COMMD3: variants seen among roughly 807,000 people sequenced by gnomAD.
The protein encoded by COMMD3 is COMM domain-containing protein 3.
COMMD3 carries 31 observed loss-of-function variants against 31.2 expected under a neutral mutation model. That is an observed-to-expected ratio of 0.99 (90% CI 0.75 to 1.34). COMMD3 has a LOEUF of 1.34. COMMD3 is among the 40% of genes most tolerant of loss of function. COMMD3 has a pLI of 0.00. For synonymous variants in COMMD3, 108 were observed against 87.3 expected, an observed-to-expected ratio of 1.24 and a Z score of -1.32; for missense variants, 274 against 236.9, an observed-to-expected ratio of 1.16 and a Z score of -1.03.
chr10:22,319,825 T>G (rs1835927180), intron 7 of COMMD3, 114 bp from the exon 8 acceptor site: 6 of 1,330,182 alleles, frequency 4.5e-6, no homozygotes, highest in African/African-American at 4.4e-5. Context: ...CTTGTTGAAT[T>G]TTAAACTTGT....
At chr10:22,316,712 C>T in intron 1 of COMMD3, 156 bp downstream of exon 1, 1 of 1,287,226 alleles carries the variant, frequency 7.8e-7, no homozygotes, top group Non-Finnish European at 1.0e-6. Context: ...CGTGGCTCTG[C>T]CAGGACTCGG....
chr10:22,319,731 T>C, intron 7 of COMMD3: 1 of 563,164 alleles, frequency 1.8e-6, no homozygotes, highest in East Asian at 3.1e-5. Flanking sequence ...TGTTTCAGTG[T>C]GAGGGCAAAT....
At position 22,320,259 on chromosome 10, in the gene COMMD3, A is replaced by T. The variant is rs1019392506; in HGVS notation, c.*261A>T. On this transcript the variant is annotated 3_prime_UTR_variant, in exon 8 of 8. Transcript: ENST00000376836. Reference sequence around the variant, plus strand: ...ATCTTTTTCAAGTCTTCTGAAAGGAAGTAGACAGTATTACACCCTGAATAA... The same window carrying T: ...ATCTTTTTCAAGTCTTCTGAAAGGATGTAGACAGTATTACACCCTGAATAA... 2.0e-5 allele frequency: 17 copies of T among 871,106 alleles called. No individual in the cohort carries two copies. The highest frequency in any genetic ancestry group is 2.5e-5 in the Non-Finnish European group (15 of 608,230). The allele number at this position is 871,106 out of a possible 1,614,324, so 54.0% of individuals were successfully genotyped here. A position where few individuals can be genotyped will look rare whatever the true frequency, so the allele number is the denominator to read the frequency against.
chr10:22,318,266 C>T lies in COMMD3; in HGVS notation c.316-6C>T, dbSNP rs1835893529. 3 of 1,601,802 alleles carry T rather than the reference C, an allele frequency of 1.9e-6. No homozygotes were observed. Among genetic ancestry groups the T allele is most frequent in the Non-Finnish European group, 2.5e-6 (3 of 1,177,052 alleles). Reference sequence around the variant, plus strand: ...CTTTCTTTCTTGCTTTCTTTTTTCTCTCCAGAATAATAAGAATTCCCTAGA... The same window carrying T: ...CTTTCTTTCTTGCTTTCTTTTTTCTTTCCAGAATAATAAGAATTCCCTAGA... On this transcript the variant is annotated splice_polypyrimidine_tract_variant and splice_region_variant and intron_variant, in intron 3 of 7. Coordinates refer to ENST00000376836, the MANE Select transcript of COMMD3 (RefSeq NM_012071.4).
Position 22,320,156 on chromosome 10 carries a change from T to C in COMMD3, c.*158T>C. 1 of 1,532,628 alleles carries C rather than the reference T, an allele frequency of 6.5e-7. No homozygotes were observed. The highest frequency in any genetic ancestry group is 2.0e-5 in the Admixed American group (1 of 49,120). 94.9% of individuals were successfully genotyped at this position (1,532,628 alleles called of 1,614,324 possible). A position where few individuals can be genotyped will look rare whatever the true frequency, so the allele number is the denominator to read the frequency against. ...CATCAATTTTGACACTTTAAAAACG[T>C]GTGAAAGGGTTAAGAGGGAAAGATA... is the stretch of plus-strand genomic sequence containing the variant. On this transcript the variant is annotated 3_prime_UTR_variant, in exon 8 of 8. Transcript: ENST00000376836.
intron 3 of COMMD3, 41 bp from the exon 4 acceptor site, chr10:22,318,231 G>GTT: frequency 1.3e-6 from 2 of 1,573,816 alleles, no homozygotes; most frequent in East Asian, 2.3e-5. Flanking sequence ...TTGTAAAGAT[G>GTT]TTTTTTTTTC....
In COMMD3 at chr10:22,316,462, G is replaced by A. The variant is rs1443329464; in HGVS notation, c.45G>A (p.Ala15=). ...TGCAGAAAGGCTTCCAGATGCTGGC[G>A]GATCCCCGCTCCTTCGACTCCAACG... is the stretch of plus-strand genomic sequence containing the variant. ...ESVQKGFQML[A]DPRSFDSNAF... The change falls in exon 1 of 8, where the codon GCG becomes GCA. Residue 15 remains alanine, a synonymous_variant. Transcript: ENST00000376836. 1 of 1,550,662 alleles carries A rather than the reference G, an allele frequency of 6.4e-7. No homozygotes were observed. Among genetic ancestry groups the A allele is most frequent in the African/African-American group, 1.4e-5 (1 of 73,142 alleles).
In COMMD3 at chr10:22,318,997, T is replaced by C; in HGVS notation, c.507T>C (p.Ser169=). The part of the protein sequence containing the change: ...DSPSYPEISF[S]CSMEQLQDLV... ...CATCCTATCCAGAGATTAGTTTTAG[T>C]TGCAGCATGGAACAATTACAGGTAC... The change falls in exon 7 of 8, where the codon AGT becomes AGC. Residue 169 remains serine (S), a synonymous_variant. Coordinates refer to ENST00000376836, the MANE Select transcript of COMMD3 (RefSeq NM_012071.4). 6.2e-7 allele frequency: 1 copy of C among 1,611,836 alleles called. No individual in the cohort carries two copies. Among genetic ancestry groups the C allele is most frequent in the Non-Finnish European group, 8.5e-7 (1 of 1,179,320 alleles).
chr10:22,316,646 C>G lies in COMMD3; in HGVS notation c.139+90C>G, dbSNP rs577722875. The G allele has an allele frequency of 1.4e-3, 1,965 of 1,380,900 alleles. 1 individual carries two copies. The highest frequency in any genetic ancestry group is 1.7e-3 in the Non-Finnish European group (1,827 of 1,058,868). 85.5% of individuals were successfully genotyped at this position (1,380,900 alleles called of 1,614,324 possible). A position where few individuals can be genotyped will look rare whatever the true frequency, so the allele number is the denominator to read the frequency against. The stretch of plus-strand genomic sequence containing the variant: ...GCCGGCGGAGCGAGAAGGGGAAAGC[C>G]CCGGGAAGAGGAAGTCTCCGGGCTT... On this transcript the variant is annotated intron_variant, in intron 1 of 7. Coordinates refer to ENST00000376836, the MANE Select transcript of COMMD3 (RefSeq NM_012071.4).
Position 22,317,973 on chromosome 10 carries a change from C to T in COMMD3, c.229C>T (p.Arg77Ter). ...ATYILEAGKHRADKSTLSTYL... is the reference protein window; with the variant it reads ...ATYILEAGKH ...TTACATACTAGAGGCAGGAAAGCAC[C>T]GAGCTGACAAGTCAACTCTAAGGTA... The change falls in exon 2 of 8, where the codon CGA becomes TGA. Residue 77 changes from arginine (R) to a stop codon, truncating the protein, a stop_gained. Coordinates refer to ENST00000376836, the MANE Select transcript of COMMD3 (RefSeq NM_012071.4). LOFTEE classifies it high-confidence loss of function. The T allele has an allele frequency of 1.2e-6, 2 of 1,613,896 alleles. No homozygotes were observed. Among genetic ancestry groups the T allele is most frequent in the Non-Finnish European group, 1.7e-6 (2 of 1,179,904 alleles).
In COMMD3 at chr10:22,318,176, A is replaced by T. The variant is rs368106448; in HGVS notation, c.315+8A>T. On this transcript the variant is annotated splice_region_variant and intron_variant, in intron 3 of 7. Transcript: ENST00000376836. ...TTTTGCACGGAATATCAGGTTACTT[A>T]CTTTAAAATTTTTAATTAACAGTAC... 1.1e-5 allele frequency: 17 copies of T among 1,605,772 alleles called. No individual in the cohort carries two copies. The highest frequency in any genetic ancestry group is 1.7e-4 in the Middle Eastern group (1 of 5,996).
chr10:22,316,709 C>T (rs1835857301), intron 1 of COMMD3, 153 bp downstream of exon 1: 3 of 1,298,072 alleles, frequency 2.3e-6, no homozygotes, highest in African/African-American at 1.5e-5. Context: ...GGACGTGGCT[C>T]TGCCAGGACT....
In COMMD3 at chr10:22,318,665, TCTCC is replaced by T; in HGVS notation, c.367_370del (p.Pro123IlefsTer2). ...TTGCATCTTTCAGTATAGGCAGATCTCTCCCTCATATAACGGATGTTTCTTGGCG... is the reference window on the plus strand; with the variant it reads ...TTGCATCTTTCAGTATAGGCAGATCTCTCATATAACGGATGTTTCTTGGCG... On this transcript the variant is annotated frameshift_variant, in exon 5 of 8. Coordinates refer to ENST00000376836, the MANE Select transcript of COMMD3 (RefSeq NM_012071.4). LOFTEE classifies it high-confidence loss of function. 6.2e-7 allele frequency: 1 copy of T among 1,612,958 alleles called. No individual in the cohort carries two copies.
chr10:22,318,267 T>C lies in COMMD3; in HGVS notation c.316-5T>C. 6.2e-7 allele frequency: 1 copy of C among 1,603,458 alleles called. No homozygotes were observed. The highest frequency in any genetic ancestry group is 8.5e-7 in the Non-Finnish European group (1 of 1,177,376). ...TTTCTTTCTTGCTTTCTTTTTTCTC[T>C]CCAGAATAATAAGAATTCCCTAGAA... On this transcript the variant is annotated splice_polypyrimidine_tract_variant and splice_region_variant and intron_variant, in intron 3 of 7. Transcript: ENST00000376836.
rs760650967 is a variant in COMMD3, at chr10:22,318,646, C to T, written c.351-7C>T. The T allele has an allele frequency of 1.2e-6, 2 of 1,609,790 alleles. No homozygotes were observed. The highest frequency in any genetic ancestry group is 1.3e-5 in the African/African-American group (1 of 74,928). ...ACTATGTACGAAGTTATCATTGCAT[C>T]TTTCAGTATAGGCAGATCTCTCCCT... On this transcript the variant is annotated splice_region_variant and splice_polypyrimidine_tract_variant and intron_variant, in intron 4 of 7. Transcript: ENST00000376836.
At chr10:22,319,729 TGTGAGGGCAAATA>T in intron 7 of COMMD3, 197 bp from the exon 8 acceptor site, 1 of 554,624 alleles carries the variant, frequency 1.8e-6, no homozygotes, top group Non-Finnish European at 3.2e-6. Context: ...CATGTTTCAG[TGTGAGGGCAAATA>T]ACCGATTTGA....
At chr10:22,319,879 C>T (rs1462776678) in intron 7 of COMMD3, 60 bp from the exon 8 acceptor site, 3 of 1,595,088 alleles carry the variant, frequency 1.9e-6, no homozygotes, top group African/African-American at 1.3e-5. Flanking sequence ...CTTTCTTGAG[C>T]TTGGATACTT....
chr10:22,316,577 C>T (rs1476064470), intron 1 of COMMD3, 21 bp downstream of exon 1: 2 of 1,504,162 alleles, frequency 1.3e-6, no homozygotes, highest in Non-Finnish European at 1.8e-6. Flanking sequence ...CGGCTCGGCT[C>T]GGAGCTGGAT....
chr10:22,319,736 G>A (rs1835925586), intron 7 of COMMD3: 4 of 575,398 alleles, frequency 7.0e-6, no homozygotes, highest in Non-Finnish European at 1.2e-5. Context: ...CAGTGTGAGG[G>A]CAAATAACCG....
Sources: gnomAD v4.1 joint callset for allele counts on GRCh38, gnomAD v4.1.1 for gene constraint, MANE v1.5 for transcripts, NCBI Gene and HGNC (gene_info 2026-07-23, HGNC 2026-07-21) for gene names.